ZFP1: variants seen among roughly 807,000 people sequenced by gnomAD.
ZFP1 encodes the protein ZFP1 zinc finger protein.
ZFP1 carries 32 observed loss-of-function variants against 38.5 expected under a neutral mutation model. The observed-to-expected ratio is 0.83, with a 90% CI of 0.63 to 1.12. The LOEUF (loss-of-function observed/expected upper bound fraction) is 1.12. Among genes scored for constraint, ZFP1 ranks in the 50% most tolerant of loss-of-function variants. ZFP1 has a pLI of 0.00. For synonymous variants in ZFP1, 245 were observed against 168.8 expected, an observed-to-expected ratio of 1.45 and a Z score of -3.50; for missense variants, 616 against 480.8, an observed-to-expected ratio of 1.28 and a Z score of -2.63.
chr16:75,166,308 C>T (rs1157335018), intron 2 of ZFP1, among the ~76,000 whole-genome samples: 2 of 152,200 alleles, frequency 1.3e-5, no homozygotes. Flanking sequence ...TCTTGGCTCA[C>T]TGCAGCCTCT....
At chr16:75,141,561 A>G in the ZFP1 span, among the ~76,000 whole-genome samples, 1 of 151,898 alleles carries the variant, frequency 6.6e-6, no homozygotes, top group Non-Finnish European at 1.5e-5. Context: ...GTCAGAAAAA[A>G]ATGCACTTAG....
At position 75,169,463 on chromosome 16, in the gene ZFP1, ACTTG is replaced by A; in HGVS notation, c.357_360del (p.Leu120IlefsTer24). On this transcript the variant is annotated frameshift_variant, in exon 4 of 4. Transcript: ENST00000570010. LOFTEE classifies it high-confidence loss of function. ...GAAAAAACTTTGAAATATAATTCAG[ACTTG>A]CTTAATAGTAATAGAAGCTATGCAG... 2 of 1,612,816 alleles carry A rather than the reference ACTTG, an allele frequency of 1.2e-6. No individual in the cohort carries two copies. Among genetic ancestry groups the A allele is most frequent in the Non-Finnish European group, 8.5e-7 (1 of 1,179,730 alleles).
the ZFP1 span, among the ~76,000 whole-genome samples, chr16:75,123,496 TATATG>T: frequency 1.1e-5 from 1 of 91,894 alleles, no homozygotes; most frequent in Non-Finnish European, 2.1e-5. Context: ...TATATATATA[TATATG>T]TAGGAAAACA....
At chr16:75,160,497 A>G (rs1436508431) in intron 2 of ZFP1, among the ~76,000 whole-genome samples, 1 of 152,000 alleles carries the variant, frequency 6.6e-6, no homozygotes, top group Non-Finnish European at 1.5e-5. Context: ...CATCTGTACT[A>G]AAAATACAAA....
the ZFP1 span, among the ~76,000 whole-genome samples, chr16:75,120,294 T>TCGG: frequency 5.2e-4 from 79 of 152,210 alleles, no homozygotes; most frequent in Non-Finnish European, 8.5e-4. Context: ...TTCATTTACT[T>TCGG]CGGCTGTATC....
At chr16:75,141,281 C>A in the ZFP1 span, among the ~76,000 whole-genome samples, 5 of 140,842 alleles carry the variant, frequency 3.6e-5, no homozygotes, top group Non-Finnish European at 6.0e-5. Flanking sequence ...CGGCTCACTG[C>A]AAGCTCCGCC....
chr16:75,134,995 G>A, the ZFP1 span, among the ~76,000 whole-genome samples: 6 of 150,094 alleles, frequency 4.0e-5, no homozygotes, highest in Non-Finnish European at 7.4e-5. Context: ...CGGTGTTTGC[G>A]ATAAGCTGAG....
the ZFP1 span, among the ~76,000 whole-genome samples, chr16:75,139,523 C>A: frequency 6.6e-6 from 1 of 152,030 alleles, no homozygotes; most frequent in Admixed American, 6.6e-5. Flanking sequence ...GAGACCCCAT[C>A]TCTACCAAAA....
chr16:75,126,855 T>C, the ZFP1 span, among the ~76,000 whole-genome samples: 47,834 of 152,116 alleles, frequency 0.31, 7,696 homozygotes, highest in Non-Finnish European at 0.34. Flanking sequence ...TAATAGGTTC[T>C]CTAAAATCCA....
At chr16:75,131,507 C>G in the ZFP1 span, among the ~76,000 whole-genome samples, 1 of 152,128 alleles carries the variant, frequency 6.6e-6, no homozygotes, top group African/African-American at 2.4e-5. Flanking sequence ...AACGATCTAC[C>G]TACCCTCGTT....
chr16:75,123,477 A>G, the ZFP1 span, among the ~76,000 whole-genome samples: 18,725 of 122,664 alleles, frequency 0.15, 2,861 homozygotes, highest in East Asian at 0.57. Context: ...ATATATATAT[A>G]TATATATATA....
At chr16:75,140,040 G>A in the ZFP1 span, among the ~76,000 whole-genome samples, 1 of 152,132 alleles carries the variant, frequency 6.6e-6, no homozygotes, top group South Asian at 2.1e-4. Flanking sequence ...AAGCCAAGGT[G>A]GGAGGATCAC....
At chr16:75,148,764 A>T (rs1319573414) in intron 1 of ZFP1, 121 bp downstream of exon 1, 1 of 152,164 alleles carries the variant, frequency 6.6e-6, no homozygotes, top group Non-Finnish European at 1.5e-5. Flanking sequence ...GGCGGCAGTG[A>T]CCCTCAGGGC....
chr16:75,162,027 C>T (rs1356989697), intron 2 of ZFP1, among the ~76,000 whole-genome samples: 3 of 151,030 alleles, frequency 2.0e-5, no homozygotes, highest in African/African-American at 7.3e-5. Context: ...TCATGTGATC[C>T]GCCTACCTCG....
At chr16:75,119,076 T>C in the ZFP1 span, among the ~76,000 whole-genome samples, 99,689 of 152,130 alleles carry the variant, frequency 0.66, 33,318 homozygotes, top group Admixed American at 0.76. Context: ...TAAAACTAAA[T>C]TGTGCTCTGA....
the ZFP1 span, among the ~76,000 whole-genome samples, chr16:75,124,050 C>T: frequency 3.5e-4 from 53 of 151,508 alleles, no homozygotes; most frequent in Non-Finnish European, 6.8e-4. Context: ...GCCAAGATTG[C>T]GCCTCTGCAC....
At chr16:75,119,472 G>A in the ZFP1 span, 1 of 152,066 alleles carries the variant, frequency 6.6e-6, no homozygotes, top group Non-Finnish European at 1.5e-5. Context: ...GTTGATGGAA[G>A]GCAGGTAACT....
At chr16:75,137,257 G>C in the ZFP1 span, among the ~76,000 whole-genome samples, 1 of 152,070 alleles carries the variant, frequency 6.6e-6, no homozygotes, top group Non-Finnish European at 1.5e-5. Flanking sequence ...GACAAACTAA[G>C]TAGAATAATA....
chr16:75,131,290 G>A, the ZFP1 span, among the ~76,000 whole-genome samples: 1 of 152,160 alleles, frequency 6.6e-6, no homozygotes, highest in Non-Finnish European at 1.5e-5. Context: ...AGCCAGGGAG[G>A]CTTCCCGGAA....
Sources: gnomAD v4.1 joint callset for allele counts (sites outside exome capture counted in the v4.1 genomes callset) on GRCh38, gnomAD v4.1.1 for gene constraint, MANE v1.5 for transcripts, NCBI Gene and HGNC (gene_info 2026-07-23, HGNC 2026-07-21) for gene names.